Variants in PSMD12 observed in about 807,000 individuals in gnomAD.
The protein encoded by PSMD12 is proteasome 26S subunit, non-ATPase 12.
A neutral mutation model predicts 62.9 loss-of-function variants in PSMD12; 8 were observed. The observed-to-expected ratio is 0.13, with a 90% CI of 0.07 to 0.23. The LOEUF (loss-of-function observed/expected upper bound fraction) is 0.23. Among genes scored for constraint, PSMD12 ranks in the 10% least tolerant of loss-of-function variants. PSMD12 has a pLI of 1.00. For missense variants in PSMD12, 424 were observed against 550.2 expected (o/e 0.77, Z 2.29); for synonymous variants, 173 against 187.4 (o/e 0.92, Z 0.63).
chr17:67,356,903 TG>T (rs2042080625), intron 3 of PSMD12, among the ~76,000 whole-genome samples: 1 of 151,484 alleles, frequency 6.6e-6, no homozygotes, highest in South Asian at 2.1e-4. Context: ...CCCAGCTGCT[TG>T]GGGGCTGAGG....
intron 10 of PSMD12, 39 bp downstream of exon 10, chr17:67,342,147 G>C (rs374453998): frequency 8.8e-6 from 12 of 1,368,704 alleles, no homozygotes; most frequent in Non-Finnish European, 1.2e-5. Flanking sequence ...ACATTCAAAA[G>C]GAATGCCTAC....
chr17:67,359,137 T>C (rs1468711269), intron 1 of PSMD12, among the ~76,000 whole-genome samples: 2 of 152,212 alleles, frequency 1.3e-5, no homozygotes, highest in East Asian at 3.9e-4. Context: ...GGGAGGACAC[T>C]TGAGCCCAGG....
chr17:67,358,898 C>A (rs2042104219), intron 1 of PSMD12, among the ~76,000 whole-genome samples: 1 of 152,138 alleles, frequency 6.6e-6, no homozygotes, highest in Non-Finnish European at 1.5e-5. Flanking sequence ...ATCTCTAACT[C>A]AGATGTAAAA....
chr17:67,365,568 T>C (rs953705380), intron 1 of PSMD12, among the ~76,000 whole-genome samples: 1 of 152,144 alleles, frequency 6.6e-6, no homozygotes, highest in African/African-American at 2.4e-5. Flanking sequence ...TGCTAGCTGC[T>C]AGAAAGCTCT....
At chr17:67,350,106 C>A in intron 4 of PSMD12, 123 bp downstream of exon 4, 1 of 574,330 alleles carries the variant, frequency 1.7e-6, no homozygotes, top group Non-Finnish European at 2.9e-6. Context: ...ACAGTGATGA[C>A]ATTTTGTGTA....
intron 9 of PSMD12, 147 bp from the exon 10 acceptor site, chr17:67,342,410 G>T: frequency 1.8e-6 from 1 of 548,750 alleles, no homozygotes; most frequent in Non-Finnish European, 3.2e-6. Flanking sequence ...AGCAAAGCTA[G>T]TTCTAAGTTT....
At chr17:67,343,594 T>C (rs543340736) in intron 9 of PSMD12, among the ~76,000 whole-genome samples, 81 of 152,330 alleles carry the variant, frequency 5.3e-4, no homozygotes, top group African/African-American at 1.9e-3. Flanking sequence ...AAGTTTCCCA[T>C]AAGCCTCCCT....
chr17:67,349,568 C>T (rs867504587), intron 4 of PSMD12, among the ~76,000 whole-genome samples: 4 of 152,126 alleles, frequency 2.6e-5, no homozygotes, highest in African/African-American at 7.2e-5. Flanking sequence ...ATGCAAAATG[C>T]CTTGTGATTA....
At chr17:67,362,801 C>G (rs2042145281) in intron 1 of PSMD12, 1 of 151,980 alleles carries the variant, frequency 6.6e-6, no homozygotes, top group Non-Finnish European at 1.5e-5. Flanking sequence ...AGCTCTCTGA[C>G]TCTCAATTTT....
Position 67,345,539 on chromosome 17 carries a change from G to A in PSMD12, c.908+206C>T, listed in dbSNP as rs2041956756. Reference sequence around the variant, plus strand: ...TGCCTGTAATCCCGGCTACTCGGAAGGTTGAGGCAGAAGAATCACTTGAAC... The same window carrying A: ...TGCCTGTAATCCCGGCTACTCGGAAAGTTGAGGCAGAAGAATCACTTGAAC... On this transcript the variant is annotated intron_variant, in intron 8 of 10. Coordinates refer to ENST00000356126, the MANE Select transcript of PSMD12 (RefSeq NM_002816.5). The A allele has an allele frequency of 1.8e-5, 9 of 498,398 alleles. No homozygotes were observed. In the South Asian group the frequency reaches 2.2e-4, roughly 12 times the overall value. 30.9% of individuals were successfully genotyped at this position (498,398 alleles called of 1,614,324 possible). A position where few individuals can be genotyped will look rare whatever the true frequency, so the allele number is the denominator to read the frequency against.
At chr17:67,353,404 T>C (rs1181258905) in intron 3 of PSMD12, among the ~76,000 whole-genome samples, 1 of 151,272 alleles carries the variant, frequency 6.6e-6, no homozygotes, top group Non-Finnish European at 1.5e-5. Flanking sequence ...CCTCCTGGGG[T>C]TCAAGCGATT....
At chr17:67,347,657 T>C (rs975411208) in intron 5 of PSMD12, among the ~76,000 whole-genome samples, 172 bp from the exon 6 acceptor site, 2 of 152,234 alleles carry the variant, frequency 1.3e-5, no homozygotes, top group African/African-American at 4.8e-5. Flanking sequence ...AAAATTACAA[T>C]TTATAATGGA....
intron 1 of PSMD12, among the ~76,000 whole-genome samples, chr17:67,361,943 AGAGG>A (rs943073795): frequency 1.3e-4 from 18 of 142,274 alleles, no homozygotes; most frequent in African/African-American, 4.3e-4. Context: ...AGGGAGAGAG[AGAGG>A]AAGACATTAA....
At position 67,347,088 on chromosome 17, in the gene PSMD12, C is replaced by T. The variant is rs762816113; in HGVS notation, c.795+28G>A. The T allele has an allele frequency of 1.9e-6, 3 of 1,557,914 alleles. No homozygotes were observed. In the East Asian group the frequency reaches 6.8e-5, roughly 35 times the overall value. ...CAAATTACTCTTCTGAATAAGAAGC[C>T]ATGTCAATTACACGAATATATTCTT... On this transcript the variant is annotated intron_variant, in intron 7 of 10. Transcript: ENST00000356126.
chr17:67,348,403 A>G, intron 5 of PSMD12, 147 bp downstream of exon 5: 2 of 680,600 alleles, frequency 2.9e-6, no homozygotes, highest in South Asian at 3.6e-5. Context: ...CAGTATGAAA[A>G]AAGATGCCAT....
In PSMD12 at chr17:67,356,557, CAAAAAAAAAAA is replaced by C. The variant is rs35353017; in HGVS notation, c.297+735_297+745del. Among the ~76,000 whole-genome samples the C allele has an allele frequency of 1.2e-3, 18 of 14,992 alleles. 1 individual carries two copies. The East Asian group carries it at 0.04, about 33-fold the overall frequency. The allele number at this position is 14,992 out of a possible 152,430, so 9.8% of individuals were successfully genotyped here. On this transcript the variant is annotated intron_variant, in intron 3 of 10. Coordinates refer to ENST00000356126, the MANE Select transcript of PSMD12 (RefSeq NM_002816.5). ...TGGGCGACAGAGCGAGACTCCGTCTCAAAAAAAAAAAAAAAAAAAAAAAAAAAAAGAAAATG... is the reference window on the plus strand; with the variant it reads ...TGGGCGACAGAGCGAGACTCCGTCTCAAAAAAAAAAAAAAAAAAGAAAATG...
chr17:67,365,336 G>T (rs983831928), intron 1 of PSMD12, among the ~76,000 whole-genome samples: 2 of 152,002 alleles, frequency 1.3e-5, no homozygotes, highest in African/African-American at 4.8e-5. Context: ...ATGATCTTGG[G>T]GCATGTGATT....
chr17:67,346,075 CA>C (rs1227985373), intron 7 of PSMD12, among the ~76,000 whole-genome samples: 1 of 151,748 alleles, frequency 6.6e-6, no homozygotes, highest in Non-Finnish European at 1.5e-5. Flanking sequence ...AGTGAAACCC[CA>C]TCTCTACTAA....
chr17:67,345,151 CTAA>C (rs1336635001), intron 8 of PSMD12, among the ~76,000 whole-genome samples: 2 of 152,190 alleles, frequency 1.3e-5, no homozygotes, highest in African/African-American at 4.8e-5. Flanking sequence ...CTCTAAACTA[CTAA>C]TGATGAAACT....
Sources: allele counts gnomAD v4.1 joint callset (sites outside exome capture counted in the v4.1 genomes callset), GRCh38; gene constraint gnomAD v4.1.1; transcripts MANE v1.5; gene names NCBI Gene and HGNC (gene_info 2026-07-23, HGNC 2026-07-21).